Variants in ADGRL2 observed in about 807,000 individuals in gnomAD.
ADGRL2 encodes calcium-independent alpha-latrotoxin receptor 2.
A neutral mutation model predicts 157.4 loss-of-function variants in ADGRL2; 44 were observed. That is an observed-to-expected ratio of 0.28 (90% confidence interval 0.22 to 0.36). The LOEUF is 0.36. Ranked by LOEUF, ADGRL2 falls within the 10% of genes least tolerant of loss-of-function variation. The probability of loss-of-function intolerance (pLI) is 1.00; values close to 1 mark genes in which losing one functional copy is unlikely to be tolerated. For missense variants in ADGRL2, 1,510 were observed against 1,768.9 expected (o/e 0.85, Z 2.63); for synonymous variants, 585 against 624.7 (o/e 0.94, Z 0.95).
At chr1:81,385,447 T>C (rs2076418618) in intron 1 of ADGRL2, among the ~76,000 whole-genome samples, 1 of 152,170 alleles carries the variant, frequency 6.6e-6, no homozygotes, top group Admixed American at 6.5e-5. Flanking sequence ...TCACAATTTC[T>C]GGTTACTGTC....
chr1:81,480,936 C>T (rs1399884157), intron 2 of ADGRL2, among the ~76,000 whole-genome samples: 1 of 152,114 alleles, frequency 6.6e-6, no homozygotes, highest in Non-Finnish European at 1.5e-5. Flanking sequence ...TCCTGAACGT[C>T]TGTATCCTTT....
chr1:81,401,100 G>A (rs992424369), intron 1 of ADGRL2, among the ~76,000 whole-genome samples: 1 of 152,104 alleles, frequency 6.6e-6, no homozygotes, highest in Non-Finnish European at 1.5e-5. Flanking sequence ...GGCCACTCTG[G>A]GCAGCCAAGG....
chr1:81,766,531 C>T (rs752673503), intron 2 of ADGRL2, among the ~76,000 whole-genome samples: 6 of 151,946 alleles, frequency 3.9e-5, no homozygotes, highest in Non-Finnish European at 8.8e-5. Context: ...ATTTCTAATA[C>T]ATATGTAAGA....
Position 81,990,461 on chromosome 1 carries a change from C to T in ADGRL2, c.3726C>T (p.Asn1242=), listed in dbSNP as rs151184559. ...DTLPLNGNFN[N]SYSLHKGDYN... ...TACCGCTAAATGGTAATTTTAACAA[C>T]AGCTACTCGCTGCACAAGGGTGACT... The change falls in exon 24 of 24, where the codon AAC becomes AAT. Residue 1242 remains asparagine, a synonymous_variant. Transcript: ENST00000686636. 3.1e-4 allele frequency: 497 copies of T among 1,614,086 alleles called. 4 individuals are homozygous for T. In the African/African-American group the frequency reaches 6.0e-3, roughly 20 times the overall value.
chr1:81,933,066 TG>T (rs1323149486), intron 3 of ADGRL2, among the ~76,000 whole-genome samples: 6 of 152,292 alleles, frequency 3.9e-5, no homozygotes, highest in Admixed American at 3.9e-4. Context: ...GACCACATTT[TG>T]GAAACTACTG....
intron 2 of ADGRL2, among the ~76,000 whole-genome samples, chr1:81,552,700 G>A (rs148181323): frequency 2.4e-4 from 36 of 151,026 alleles, no homozygotes; most frequent in African/African-American, 8.7e-4. Flanking sequence ...ATACATGAAA[G>A]GGTTTAAGCT....
At chr1:81,605,339 A>G (rs746182303) in intron 3 of ADGRL2, among the ~76,000 whole-genome samples, 2 of 152,196 alleles carry the variant, frequency 1.3e-5, no homozygotes. Context: ...GACAAACTGT[A>G]TTATTCAAGA....
chr1:81,904,834 G>A (rs685129), intron 2 of ADGRL2, among the ~76,000 whole-genome samples: 58,209 of 151,678 alleles, frequency 0.38, 12,209 homozygotes, highest in African/African-American at 0.54. Context: ...TTGAACCGGC[G>A]AGGCAGAGGT....
intron 3 of ADGRL2, among the ~76,000 whole-genome samples, chr1:81,620,463 G>A (rs1044095338): frequency 1.3e-5 from 2 of 152,260 alleles, no homozygotes; most frequent in African/African-American, 4.8e-5. Flanking sequence ...CACAAATATG[G>A]CAAAATATTA....
At chr1:81,394,628 T>G (rs1188207476) in intron 1 of ADGRL2, among the ~76,000 whole-genome samples, 1 of 152,216 alleles carries the variant, frequency 6.6e-6, no homozygotes, top group Non-Finnish European at 1.5e-5. Context: ...GGCACTTTGG[T>G]TGATTCCATA....
At chr1:81,975,005 ATTTT>A (rs902358890) in intron 17 of ADGRL2, among the ~76,000 whole-genome samples, 20 of 149,982 alleles carry the variant, frequency 1.3e-4, no homozygotes, top group African/African-American at 4.6e-4. Flanking sequence ...CTGAATAAGG[ATTTT>A]TTTTTTCTTG....
intron 2 of ADGRL2, among the ~76,000 whole-genome samples, chr1:81,563,864 T>C (rs1404592590): frequency 1.3e-5 from 2 of 152,228 alleles, no homozygotes; most frequent in Non-Finnish European, 2.9e-5. Context: ...GTTGTCATAG[T>C]TAACACTTTC....
chr1:81,979,032 A>G (rs1186064504), intron 17 of ADGRL2, among the ~76,000 whole-genome samples: 1 of 151,752 alleles, frequency 6.6e-6, no homozygotes, highest in Non-Finnish European at 1.5e-5. Context: ...TCTTCTTCCA[A>G]CATTCTGCCA....
intron 3 of ADGRL2, among the ~76,000 whole-genome samples, chr1:81,590,517 T>C (rs2081112297): frequency 6.6e-6 from 1 of 152,078 alleles, no homozygotes; most frequent in Non-Finnish European, 1.5e-5. Flanking sequence ...CCATCCCCCT[T>C]GCTACAATGG....
At chr1:81,628,220 G>A (rs2081947656) in intron 3 of ADGRL2, among the ~76,000 whole-genome samples, 1 of 152,144 alleles carries the variant, frequency 6.6e-6, no homozygotes, top group Non-Finnish European at 1.5e-5. Flanking sequence ...CAAAATGTAA[G>A]TAAGAAAATG....
chr1:81,648,583 C>G (rs2082355884), intron 3 of ADGRL2, among the ~76,000 whole-genome samples: 2 of 152,144 alleles, frequency 1.3e-5, no homozygotes, highest in African/African-American at 4.8e-5. Context: ...TGTAATGCCA[C>G]GAGAACGGAT....
At chr1:81,512,425 G>A (rs946147550) in intron 2 of ADGRL2, among the ~76,000 whole-genome samples, 2 of 152,120 alleles carry the variant, frequency 1.3e-5, no homozygotes, top group East Asian at 1.9e-4. Context: ...TTTTAGTAAC[G>A]TCAGCAGTTC....
At chr1:81,661,738 A>G (rs1161733064) in intron 3 of ADGRL2, among the ~76,000 whole-genome samples, 3 of 152,176 alleles carry the variant, frequency 2.0e-5, no homozygotes, top group Non-Finnish European at 4.4e-5. Flanking sequence ...CTAACTAATG[A>G]TAGCACTTCC....
At chr1:81,797,883 C>T (rs1220527023), upstream of ADGRL2, among the ~76,000 whole-genome samples, 2 of 152,048 alleles carry the variant, frequency 1.3e-5, no homozygotes, top group African/African-American at 2.4e-5. Flanking sequence ...TAATGAGTTC[C>T]TTCTGTTTTC....
Sources: allele counts gnomAD v4.1 joint callset (sites outside exome capture counted in the v4.1 genomes callset), GRCh38; gene constraint gnomAD v4.1.1; transcripts MANE v1.5; gene names NCBI Gene and HGNC (gene_info 2026-07-23, HGNC 2026-07-21).